Variants in PTCSC3 observed in about 807,000 individuals in gnomAD.
The protein encoded by PTCSC3 is papillary thyroid carcinoma susceptibility candidate 3.
intron 3 of PTCSC3, among the ~76,000 whole-genome samples, chr14:36,139,504 A>C (rs1280994306): frequency 1.3e-5 from 2 of 152,118 alleles, no homozygotes; most frequent in Non-Finnish European, 2.9e-5. Context: ...CTGAGCCACC[A>C]TCACCCTGCA....
chr14:36,157,803 G>C (rs1162362892), intron 2 of PTCSC3, among the ~76,000 whole-genome samples: 1 of 152,124 alleles, frequency 6.6e-6, no homozygotes, highest in African/African-American at 2.4e-5. Context: ...AGAATGTAAT[G>C]GTAGCTTGAT....
intron 1 of PTCSC3, among the ~76,000 whole-genome samples, chr14:36,173,030 T>C (rs1882217577): frequency 6.6e-6 from 1 of 152,114 alleles, no homozygotes; most frequent in Admixed American, 6.6e-5. Flanking sequence ...TAGAAAAAAT[T>C]ATTCTGGAAT....
intron 2 of PTCSC3, among the ~76,000 whole-genome samples, chr14:36,158,938 A>G (rs1432783101): frequency 6.6e-6 from 1 of 152,122 alleles, no homozygotes. Flanking sequence ...AGAACTTGTT[A>G]TTGGTCTATT....
At chr14:36,158,530 G>A (rs1423782936) in intron 2 of PTCSC3, among the ~76,000 whole-genome samples, 7 of 152,166 alleles carry the variant, frequency 4.6e-5, no homozygotes, top group Non-Finnish European at 1.0e-4. Flanking sequence ...TTTGTCATTG[G>A]TTCTGTTTAT....
At chr14:36,135,845 G>A (rs1216825569), downstream of PTCSC3, among the ~76,000 whole-genome samples, 1 of 151,092 alleles carries the variant, frequency 6.6e-6, no homozygotes, top group Non-Finnish European at 1.5e-5. Flanking sequence ...TATTAGTCAG[G>A]GTTCTCTAGA....
chr14:36,174,236 T>C (rs1269425587), intron 1 of PTCSC3, among the ~76,000 whole-genome samples: 1 of 152,148 alleles, frequency 6.6e-6, no homozygotes, highest in Non-Finnish European at 1.5e-5. Flanking sequence ...CTGCTTGATA[T>C]TATCTCCTTG....
At chr14:36,139,763 T>TC (rs1881376839) in intron 3 of PTCSC3, among the ~76,000 whole-genome samples, 1 of 152,210 alleles carries the variant, frequency 6.6e-6, no homozygotes, top group Non-Finnish European at 1.5e-5. Flanking sequence ...CCCCACAGTT[T>TC]CCCCTGGTTT....
At chr14:36,176,335 G>A (rs1243617067) in exon 1 of PTCSC3, 1 of 151,680 alleles carries the variant, frequency 6.6e-6, no homozygotes, top group Non-Finnish European at 1.5e-5. Context: ...GCAGTCTTAA[G>A]CCTAATTCCT....
At chr14:36,176,336 C>A (rs976585789) in exon 1 of PTCSC3, 1 of 151,702 alleles carries the variant, frequency 6.6e-6, no homozygotes, top group Non-Finnish European at 1.5e-5. Context: ...CAGTCTTAAG[C>A]CTAATTCCTC....
At chr14:36,149,343 A>G (rs1881670174) in intron 3 of PTCSC3, among the ~76,000 whole-genome samples, 1 of 152,164 alleles carries the variant, frequency 6.6e-6, no homozygotes, top group Non-Finnish European at 1.5e-5. Flanking sequence ...GTCTAAGAGC[A>G]TACTTTGTAT....
intron 1 of PTCSC3, among the ~76,000 whole-genome samples, chr14:36,169,634 T>G (rs1261745875): frequency 6.6e-6 from 1 of 152,150 alleles, no homozygotes; most frequent in Non-Finnish European, 1.5e-5. Context: ...TTTCTACCTA[T>G]CAATCTGGTT....
chr14:36,134,933 C>G (rs767340919), downstream of PTCSC3, among the ~76,000 whole-genome samples: 1 of 152,296 alleles, frequency 6.6e-6, no homozygotes, highest in South Asian at 2.1e-4. Context: ...TGCCATTATT[C>G]ATCATTATGC....
intron 3 of PTCSC3, among the ~76,000 whole-genome samples, chr14:36,142,808 TC>T (rs1881457042): frequency 1.4e-5 from 1 of 72,954 alleles, no homozygotes. Context: ...CCCTCCCCCC[TC>T]CCCCCACCCC....
chr14:36,152,222 T>TA (rs1210580893), intron 3 of PTCSC3, among the ~76,000 whole-genome samples: 10 of 151,644 alleles, frequency 6.6e-5, no homozygotes, highest in East Asian at 3.9e-4. Context: ...TTTTTGAAGG[T>TA]AAAAAAATGC....
chr14:36,137,229 T>C (rs1016739249), intron 3 of PTCSC3, among the ~76,000 whole-genome samples: 5 of 151,914 alleles, frequency 3.3e-5, no homozygotes, highest in African/African-American at 9.7e-5. Flanking sequence ...ACAAAGGCCC[T>C]GAAATGGGAG....
At chr14:36,145,281 A>G (rs372243658) in intron 3 of PTCSC3, among the ~76,000 whole-genome samples, 2,608 of 150,888 alleles carry the variant, frequency 0.017, 103 homozygotes, top group Admixed American at 0.082. Flanking sequence ...CTGTGAATCC[A>G]TCTGGTCCTG....
At chr14:36,156,658 G>A (rs988192052) in intron 2 of PTCSC3, among the ~76,000 whole-genome samples, 1 of 152,090 alleles carries the variant, frequency 6.6e-6, no homozygotes, top group African/African-American at 2.4e-5. Context: ...GTGGGAACAT[G>A]CAGTGTTTGG....
intron 1 of PTCSC3, among the ~76,000 whole-genome samples, chr14:36,170,014 T>A (rs1438073436): frequency 6.6e-6 from 1 of 152,156 alleles, no homozygotes; most frequent in African/African-American, 2.4e-5. Context: ...TAACCATGTG[T>A]GCCCTGGGAA....
chr14:36,151,800 C>G (rs1215999868), intron 3 of PTCSC3, among the ~76,000 whole-genome samples: 1 of 152,132 alleles, frequency 6.6e-6, no homozygotes, highest in Non-Finnish European at 1.5e-5. Flanking sequence ...GAATGAAGAC[C>G]AGAATGCTCT....
Sources: allele counts gnomAD v4.1 joint callset (sites outside exome capture counted in the v4.1 genomes callset), GRCh38; gene constraint gnomAD v4.1.1; transcripts MANE v1.5; gene names NCBI Gene and HGNC (gene_info 2026-07-23, HGNC 2026-07-21).